MAML2: variants seen among roughly 807,000 people sequenced by gnomAD.
MAML2 encodes the protein mastermind-like protein 2.
Under a neutral mutation model 96.1 loss-of-function variants are expected in MAML2, and 22 were observed. The ratio of observed to expected loss-of-function variants is 0.23; its 90% CI spans 0.16 to 0.33. The LOEUF (loss-of-function observed/expected upper bound fraction) is 0.33, where lower values mean the gene tolerates loss of function less well. MAML2 is among the 10% of genes least tolerant of loss of function. The pLI, the probability that MAML2 is intolerant of heterozygous loss-of-function variation, is 1.00. For missense variants in MAML2, 1,367 were observed against 1,392.4 expected, an observed-to-expected ratio of 0.98 and a Z score of 0.29; for synonymous variants, 561 against 521.3, an observed-to-expected ratio of 1.08 and a Z score of -1.04.
chr11:96,288,722 T>C (rs1863172723), intron 1 of MAML2, among the ~76,000 whole-genome samples: 1 of 152,196 alleles, frequency 6.6e-6, no homozygotes, highest in Non-Finnish European at 1.5e-5. Context: ...CTGGTAAATA[T>C]GTGGCATTCA....
chr11:96,084,834 T>C (rs1859582952), intron 2 of MAML2, among the ~76,000 whole-genome samples: 2 of 152,326 alleles, frequency 1.3e-5, no homozygotes, highest in South Asian at 2.1e-4. Flanking sequence ...GCTCCCTGTT[T>C]ATGAAATTCA....
chr11:96,181,117 T>C (rs1162562805), intron 1 of MAML2, among the ~76,000 whole-genome samples: 1 of 152,166 alleles, frequency 6.6e-6, no homozygotes, highest in Admixed American at 6.5e-5. Context: ...GGGCAGGGCA[T>C]ATTCACTTCT....
At chr11:96,200,824 G>A (rs1861810721) in intron 1 of MAML2, among the ~76,000 whole-genome samples, 1 of 152,176 alleles carries the variant, frequency 6.6e-6, no homozygotes, top group South Asian at 2.1e-4. Flanking sequence ...CAGAAGCAAG[G>A]CAATCAGAGG....
In MAML2 at chr11:96,321,770, T is replaced by G. The variant is rs116896415; in HGVS notation, c.513+19613A>C. On this transcript the variant is annotated intron_variant, in intron 1 of 4. Transcript: ENST00000524717. ...TATAAAATATGTGTGGCCAACACTA[T>G]TCCCTCCACATGTGTTTAATGGACA... 1.1e-3 allele frequency among the ~76,000 whole-genome samples: 174 copies of G among 152,370 alleles called. 2 individuals are homozygous for G. In the East Asian group the frequency reaches 0.03, roughly 26 times the overall value.
intron 2 of MAML2, among the ~76,000 whole-genome samples, chr11:96,071,230 G>A (rs1271785515): frequency 6.6e-6 from 1 of 152,262 alleles, no homozygotes; most frequent in Non-Finnish European, 1.5e-5. Context: ...TGTAGAGTCT[G>A]GTATAAACAG....
chr11:96,320,108 G>T (rs1379585587), intron 1 of MAML2, among the ~76,000 whole-genome samples: 5 of 152,212 alleles, frequency 3.3e-5, no homozygotes, highest in African/African-American at 9.7e-5. Context: ...CAACTCCAAA[G>T]ATACTTTTCC....
At chr11:96,018,737 C>T (rs1273819127) in intron 2 of MAML2, among the ~76,000 whole-genome samples, 1 of 152,156 alleles carries the variant, frequency 6.6e-6, no homozygotes, top group Non-Finnish European at 1.5e-5. Context: ...GCTGAGACTA[C>T]AGGGACCTGC....
At chr11:96,166,219 CA>C (rs1861192621) in intron 1 of MAML2, among the ~76,000 whole-genome samples, 1 of 130,822 alleles carries the variant, frequency 7.6e-6, no homozygotes, top group Admixed American at 7.2e-5. Context: ...ACACACACCC[CA>C]CATTATGAAG....
At position 96,319,905 on chromosome 11, in the gene MAML2, G is replaced by A. The variant is rs183858650; in HGVS notation, c.513+21478C>T. On this transcript the variant is annotated intron_variant, in intron 1 of 4. Coordinates refer to ENST00000524717, the MANE Select transcript of MAML2 (RefSeq NM_032427.4). Reference sequence around the variant, plus strand: ...GATGCCAATGAGCATACCACAGTCCGTACATTCTGAAGGCCAACTCTCAGA... The same window carrying A: ...GATGCCAATGAGCATACCACAGTCCATACATTCTGAAGGCCAACTCTCAGA... Among the ~76,000 whole-genome samples the A allele has an allele frequency of 1.2e-4, 19 of 152,252 alleles. 1 individual carries two copies. Among genetic ancestry groups the A allele is most frequent in the African/African-American group, 1.9e-4 (8 of 41,530 alleles).
At chr11:96,323,631 A>C (rs1317909784) in intron 1 of MAML2, among the ~76,000 whole-genome samples, 3 of 152,234 alleles carry the variant, frequency 2.0e-5, no homozygotes, top group Non-Finnish European at 4.4e-5. Context: ...CTCACAGTAT[A>C]ATCTGGTCCT....
At chr11:96,097,281 G>T (rs1196614327) in intron 1 of MAML2, among the ~76,000 whole-genome samples, 1 of 152,148 alleles carries the variant, frequency 6.6e-6, no homozygotes, top group African/African-American at 2.4e-5. Flanking sequence ...ACCAGAACAA[G>T]AATAAAGCTC....
At chr11:95,991,227 T>C (rs959976611) in intron 3 of MAML2, among the ~76,000 whole-genome samples, 8 of 152,196 alleles carry the variant, frequency 5.3e-5, no homozygotes, top group Non-Finnish European at 1.5e-5. Flanking sequence ...GGAACAACAC[T>C]GGTTTCTTTT....
chr11:96,177,916 T>TTTGTG (rs1555020085), intron 1 of MAML2, among the ~76,000 whole-genome samples: 1 of 139,854 alleles, frequency 7.2e-6, no homozygotes, highest in Non-Finnish European at 1.5e-5. Context: ...GAGACCTTAG[T>TTTGTG]TGTGTGTGTG....
chr11:96,005,565 T>C (rs1858166557), intron 2 of MAML2, among the ~76,000 whole-genome samples: 1 of 152,208 alleles, frequency 6.6e-6, no homozygotes, highest in Non-Finnish European at 1.5e-5. Flanking sequence ...GCCTCTATAA[T>C]GAACAAATAA....
chr11:96,211,701 G>A (rs1861974705), intron 1 of MAML2, among the ~76,000 whole-genome samples: 4 of 152,148 alleles, frequency 2.6e-5, no homozygotes, highest in Non-Finnish European at 4.4e-5. Context: ...GGGCCCACAG[G>A]GTACCTAGTG....
chr11:96,166,175 TCTCACACACACACACACACA>T, intron 1 of MAML2, among the ~76,000 whole-genome samples: 1 of 101,904 alleles, frequency 9.8e-6, no homozygotes, highest in Non-Finnish European at 2.1e-5. Flanking sequence ...TCTCTCTCTC[TCTCACACACACACACACACA>T]CACACACACA....
chr11:96,089,452 G>A (rs553318510), intron 2 of MAML2, among the ~76,000 whole-genome samples: 1 of 152,260 alleles, frequency 6.6e-6, no homozygotes, highest in East Asian at 1.9e-4. Flanking sequence ...ACCCAAAGCA[G>A]CATTACCTGA....
chr11:96,292,789 A>C (rs1039390625), intron 1 of MAML2, among the ~76,000 whole-genome samples: 1 of 152,214 alleles, frequency 6.6e-6, no homozygotes, highest in African/African-American at 2.4e-5. Flanking sequence ...ATATTCATGA[A>C]TAAGTCTGTT....
intron 1 of MAML2, among the ~76,000 whole-genome samples, chr11:96,224,347 A>T (rs1862182462): frequency 1.3e-5 from 2 of 152,170 alleles, no homozygotes; most frequent in Non-Finnish European, 1.5e-5. Flanking sequence ...TTGTTACCGT[A>T]TTCAAGGGGC....
Sources: gnomAD v4.1 joint callset for allele counts (sites outside exome capture counted in the v4.1 genomes callset) on GRCh38, gnomAD v4.1.1 for gene constraint, MANE v1.5 for transcripts, NCBI Gene and HGNC (gene_info 2026-07-23, HGNC 2026-07-21) for gene names.